PCSK6: variants seen among roughly 807,000 people sequenced by gnomAD.
PCSK6 encodes the protein proprotein convertase subtilisin/kexin type 6, also known as paired basic amino acid cleaving enzyme 4.
In PCSK6, 85 loss-of-function variants were observed where a neutral mutation model predicts 123.3. That is an observed-to-expected ratio of 0.69 (90% CI 0.58 to 0.83). The LOEUF (loss-of-function observed/expected upper bound fraction) is 0.83, where lower values mean the gene tolerates loss of function less well. Ranked by LOEUF, PCSK6 falls within the 40% of genes least tolerant of loss-of-function variation. PCSK6 has a pLI of 0.00. For missense variants in PCSK6, 1,191 were observed against 1,282.3 expected, an observed-to-expected ratio of 0.93 and a Z score of 1.09; for synonymous variants, 508 against 516.0, an observed-to-expected ratio of 0.98 and a Z score of 0.21.
intron 7 of PCSK6, among the ~76,000 whole-genome samples, chr15:101,396,977 G>A (rs2042431831): frequency 6.6e-6 from 1 of 152,112 alleles, no homozygotes; most frequent in Non-Finnish European, 1.5e-5. Context: ...TGGTTGGGGG[G>A]TGGGGGCAGT....
chr15:101,382,372 C>G (rs1227181420), intron 10 of PCSK6, among the ~76,000 whole-genome samples, 163 bp from the exon 11 acceptor site: 2 of 152,192 alleles, frequency 1.3e-5, no homozygotes, highest in East Asian at 3.9e-4. Context: ...GAGGGCTGCT[C>G]AAAGGTCCCA....
intron 13 of PCSK6, among the ~76,000 whole-genome samples, chr15:101,354,307 T>C (rs2040980208): frequency 1.3e-5 from 2 of 152,200 alleles, no homozygotes; most frequent in East Asian, 3.9e-4. Flanking sequence ...CAAGCCCACA[T>C]ACACACATAC....
At chr15:101,455,982 C>G (rs917789949) in intron 1 of PCSK6, among the ~76,000 whole-genome samples, 3 of 152,250 alleles carry the variant, frequency 2.0e-5, no homozygotes, top group Non-Finnish European at 4.4e-5. Flanking sequence ...CAGGTCCCAG[C>G]CCATCTCTGC....
chr15:101,347,522 T>C (rs1276610732), intron 13 of PCSK6: 2 of 1,349,950 alleles, frequency 1.5e-6, no homozygotes, highest in East Asian at 2.6e-5. Context: ...TAAAATTATG[T>C]AAGCTCTTGA....
chr15:101,368,075 C>G (rs1471847969), intron 12 of PCSK6, among the ~76,000 whole-genome samples: 2 of 152,252 alleles, frequency 1.3e-5, no homozygotes, highest in Non-Finnish European at 2.9e-5. Context: ...CTTGGCCCCT[C>G]AAAGTGCTGG....
At chr15:101,472,128 G>A (rs2057620890) in intron 1 of PCSK6, among the ~76,000 whole-genome samples, 1 of 152,236 alleles carries the variant, frequency 6.6e-6, no homozygotes, top group Non-Finnish European at 1.5e-5. Context: ...AACCCAGCAA[G>A]GGGACACAGG....
chr15:101,489,476 C>CG lies in PCSK6; in HGVS notation c.194dup (p.Pro66AlafsTer51). 1.8e-6 allele frequency: 2 copies of CG among 1,089,798 alleles called. No individual in the cohort carries two copies. The highest frequency in any genetic ancestry group is 2.2e-6 in the Non-Finnish European group (2 of 897,986). The allele number at this position is 1,089,798 out of a possible 1,614,324, so 67.5% of individuals were successfully genotyped here. On this transcript the variant is annotated frameshift_variant, in exon 1 of 22. Transcript: ENST00000611716. LOFTEE classifies it high-confidence loss of function. The stretch of plus-strand genomic sequence containing the variant: ...AGTGGTTGGTGTAGACGGGGCGCGG[C>CG]GGGGGCGCGGAGCAGGCGGCAGGCA...
At chr15:101,415,426 G>C (rs946381600) in intron 6 of PCSK6, among the ~76,000 whole-genome samples, 1 of 152,212 alleles carries the variant, frequency 6.6e-6, no homozygotes, top group African/African-American at 2.4e-5. Context: ...AGCTTTCATA[G>C]AAAGCCCCAA....
chr15:101,412,843 C>T (rs935747837), intron 6 of PCSK6, among the ~76,000 whole-genome samples: 5 of 151,578 alleles, frequency 3.3e-5, no homozygotes, highest in Non-Finnish European at 7.4e-5. Flanking sequence ...GGAAAAAGGG[C>T]CAGGAGTGGT....
chr15:101,403,186 C>T (rs1215077900), intron 6 of PCSK6, among the ~76,000 whole-genome samples: 1 of 148,232 alleles, frequency 6.7e-6, no homozygotes, highest in Non-Finnish European at 1.5e-5. Context: ...AAACCAAACA[C>T]CGCATGTTCT....
chr15:101,474,585 T>C (rs6598483), intron 1 of PCSK6, among the ~76,000 whole-genome samples: 118,934 of 152,124 alleles, frequency 0.78, 47,105 homozygotes, highest in African/African-American at 0.84. Flanking sequence ...TTCACACATC[T>C]GGAACTTCTA....
At chr15:101,332,120 CCT>C in intron 13 of PCSK6, 89 bp from the exon 14 acceptor site, 3 of 1,243,022 alleles carry the variant, frequency 2.4e-6, no homozygotes, top group South Asian at 1.5e-5. Context: ...TGGCTCCTCC[CCT>C]GATAGCTGGG....
intron 1 of PCSK6, among the ~76,000 whole-genome samples, chr15:101,483,294 G>T (rs2057937255): frequency 6.6e-6 from 1 of 152,200 alleles, no homozygotes; most frequent in Admixed American, 6.5e-5. Flanking sequence ...TTCATTGCAA[G>T]AACAAGTTGT....
intron 13 of PCSK6, among the ~76,000 whole-genome samples, chr15:101,341,360 T>C (rs375400291): frequency 9.3e-5 from 14 of 150,722 alleles, no homozygotes; most frequent in African/African-American, 3.4e-4. Context: ...GTGATCCTCC[T>C]GCCTCAGCCT....
chr15:101,366,335 G>A lies in PCSK6; in HGVS notation c.1722-3C>T. ...CTTCATTGGAAAGATCCAGCAACCT[G>A]CAATTGGAGGTGTGGTGTCAGAAAT... On this transcript the variant is annotated splice_region_variant and splice_polypyrimidine_tract_variant and intron_variant, in intron 12 of 21. Coordinates refer to ENST00000611716, the MANE Select transcript of PCSK6 (RefSeq NM_002570.5). 6.2e-7 allele frequency: 1 copy of A among 1,610,316 alleles called. No individual in the cohort carries two copies. Among genetic ancestry groups the A allele is most frequent in the Non-Finnish European group, 8.5e-7 (1 of 1,178,392 alleles).
intron 15 of PCSK6, among the ~76,000 whole-genome samples, chr15:101,328,679 G>A (rs73489231): frequency 0.011 from 1,678 of 152,240 alleles, 33 homozygotes; most frequent in African/African-American, 0.038. Context: ...GGAGCCCAGT[G>A]CAAGGTTGGG....
intron 2 of PCSK6, among the ~76,000 whole-genome samples, chr15:101,435,419 TG>T (rs1371205155): frequency 2.0e-5 from 3 of 152,236 alleles, no homozygotes; most frequent in Non-Finnish European, 4.4e-5. Flanking sequence ...ATAAGTGATT[TG>T]GGGCAAAGGC....
intron 1 of PCSK6, among the ~76,000 whole-genome samples, chr15:101,448,849 T>C (rs1456838966): frequency 6.6e-6 from 1 of 152,242 alleles, no homozygotes; most frequent in Non-Finnish European, 1.5e-5. Context: ...ACCCTCAGCA[T>C]GTGTGCACTT....
intron 6 of PCSK6, among the ~76,000 whole-genome samples, chr15:101,401,352 C>T (rs535243535): frequency 5.1e-4 from 77 of 152,366 alleles, no homozygotes; most frequent in African/African-American, 1.8e-3. Flanking sequence ...TATCTATCTT[C>T]TCTTCTCACT....
Sources: gnomAD v4.1 joint callset for allele counts (sites outside exome capture counted in the v4.1 genomes callset) on GRCh38, gnomAD v4.1.1 for gene constraint, MANE v1.5 for transcripts, NCBI Gene and HGNC (gene_info 2026-07-23, HGNC 2026-07-21) for gene names.